GABPB2: variants seen among roughly 807,000 people sequenced by gnomAD.
GABPB2 encodes GA-binding protein subunit beta-2.
In GABPB2, 23 loss-of-function variants were observed where a neutral mutation model predicts 39.1. That is an observed-to-expected ratio of 0.59 (90% CI 0.42 to 0.83). GABPB2 has a LOEUF of 0.83. Ranked by LOEUF, GABPB2 falls within the 40% of genes least tolerant of loss-of-function variation. The probability of loss-of-function intolerance (pLI) is 0.00; values close to 1 mark genes in which losing one functional copy is unlikely to be tolerated. For missense variants in GABPB2, 467 were observed against 541.1 expected (o/e 0.86, Z 1.36); for synonymous variants, 184 against 199.3 (o/e 0.92, Z 0.65).
Position 151,110,005 on chromosome 1 carries a change from A to ATTTTTTTTTTTTTTTTTT in GABPB2, c.922+2803_922+2820dup, listed in dbSNP as rs71577269. ...AATCATGTGCCACCATGCCCAGCTA[A>ATTTTTTTTTTTTTTTTTT]TTTTTTTTTTTTTTTTTTTTTTTTT... is the stretch of plus-strand genomic sequence containing the variant. On this transcript the variant is annotated intron_variant, in intron 7 of 8. Transcript: ENST00000368918. 4.9e-5 allele frequency among the ~76,000 whole-genome samples: 3 copies of ATTTTTTTTTTTTTTTTTT among 60,762 alleles called. 1 individual carries two copies. Among genetic ancestry groups the ATTTTTTTTTTTTTTTTTT allele is most frequent in the Non-Finnish European group, 6.9e-5 (2 of 28,832 alleles). 39.9% of individuals were successfully genotyped at this position (60,762 alleles called of 152,430 possible). A position where few individuals can be genotyped will look rare whatever the true frequency, so the allele number is the denominator to read the frequency against.
At chr1:151,090,646 T>A in intron 3 of GABPB2, 73 bp downstream of exon 3, 1 of 1,397,012 alleles carries the variant, frequency 7.2e-7, no homozygotes, top group Non-Finnish European at 1.0e-6. Flanking sequence ...CTTAAATGGG[T>A]ACTAGGAAAT....
Position 151,074,310 on chromosome 1 carries a change from C to CTTTTTT in GABPB2, c.-1+3388_-1+3393dup, listed in dbSNP as rs113264875. ...TGATTGTATGCTAAACATGCTTCCG[C>CTTTTTT]TTTTTTTTTTTTTTTTTCCAGACGG... On this transcript the variant is annotated intron_variant, in intron 1 of 8. Coordinates refer to ENST00000368918, the MANE Select transcript of GABPB2 (RefSeq NM_144618.3). 3.0e-3 allele frequency among the ~76,000 whole-genome samples: 315 copies of CTTTTTT among 105,838 alleles called. 1 individual carries two copies. The highest frequency in any genetic ancestry group is 0.01 in the Middle Eastern group (1 of 100). 69.4% of individuals were successfully genotyped at this position (105,838 alleles called of 152,430 possible). A position where few individuals can be genotyped will look rare whatever the true frequency, so the allele number is the denominator to read the frequency against.
chr1:151,098,942 G>C (rs1444362345), intron 5 of GABPB2, among the ~76,000 whole-genome samples: 2 of 151,884 alleles, frequency 1.3e-5, no homozygotes, highest in Non-Finnish European at 2.9e-5. Flanking sequence ...AAATTAGCCG[G>C]CTGTGGTGGT....
At chr1:151,102,440 T>C (rs915761912) in intron 5 of GABPB2, among the ~76,000 whole-genome samples, 1 of 152,190 alleles carries the variant, frequency 6.6e-6, no homozygotes, top group African/African-American at 2.4e-5. Context: ...ATGAAACTTT[T>C]TATTTATATA....
intron 6 of GABPB2, among the ~76,000 whole-genome samples, chr1:151,104,562 T>C (rs1679782890): frequency 6.6e-6 from 1 of 152,210 alleles, no homozygotes; most frequent in Non-Finnish European, 1.5e-5. Flanking sequence ...CTTGGATAAA[T>C]CACTTCTCCA....
At chr1:151,109,581 G>A (rs908258282) in intron 7 of GABPB2, among the ~76,000 whole-genome samples, 1 of 150,956 alleles carries the variant, frequency 6.6e-6, no homozygotes, top group African/African-American at 2.4e-5. Context: ...GCCTGGTCTC[G>A]AACTCCTGAC....
At chr1:151,107,947 GGAAA>G (rs587650968) in intron 7 of GABPB2, among the ~76,000 whole-genome samples, 121 of 151,184 alleles carry the variant, frequency 8.0e-4, no homozygotes, top group Non-Finnish European at 1.3e-3. Context: ...AAAAAAAAAA[GGAAA>G]GAAAGAAAAA....
intron 5 of GABPB2, among the ~76,000 whole-genome samples, chr1:151,099,305 C>G (rs1679342335): frequency 6.6e-6 from 1 of 151,878 alleles, no homozygotes; most frequent in Non-Finnish European, 1.5e-5. Flanking sequence ...TCAAGCGATT[C>G]TCCTGCCTCA....
Position 151,120,147 on chromosome 1 carries a change from C to A in GABPB2, c.*1891C>A, listed in dbSNP as rs1681130798. ...GGATCATGAGGTCAGGAGTTCAAGA[C>A]CAGCCTGGCCGAGATGGTGAAACCC... On this transcript the variant is annotated 3_prime_UTR_variant, in exon 9 of 9. Coordinates refer to ENST00000368918, the MANE Select transcript of GABPB2 (RefSeq NM_144618.3). 6.6e-6 allele frequency: 1 copy of A among 151,752 alleles called. No individual in the cohort carries two copies. Among genetic ancestry groups the A allele is most frequent in the Admixed American group, 6.6e-5 (1 of 15,166 alleles). 9.4% of individuals were successfully genotyped at this position (151,752 alleles called of 1,614,324 possible).
chr1:151,113,084 T>A (rs1210659631), intron 7 of GABPB2, among the ~76,000 whole-genome samples: 1 of 151,750 alleles, frequency 6.6e-6, no homozygotes, highest in Non-Finnish European at 1.5e-5. Context: ...CCCCTCAATT[T>A]TTTTTTTTAA....
rs1680968629 is a variant in GABPB2 at position 151,117,522 on chromosome 1, GT to G, written c.1047+11del. ...ACAGTGTGGAGGAAAGCAAGGTAAT[GT>G]TTTTAGGAGTGATGAAAAGAATTTA... On this transcript the variant is annotated splice_region_variant and intron_variant, in intron 8 of 8. Coordinates refer to ENST00000368918, the MANE Select transcript of GABPB2 (RefSeq NM_144618.3). The G allele has an allele frequency of 3.1e-6, 5 of 1,612,438 alleles. No individual in the cohort carries two copies. The highest frequency in any genetic ancestry group is 4.2e-6 in the Non-Finnish European group (5 of 1,179,550).
intron 1 of GABPB2, among the ~76,000 whole-genome samples, chr1:151,082,991 AAAAG>A (rs1196057930): frequency 1.3e-5 from 2 of 151,452 alleles, no homozygotes; most frequent in Non-Finnish European, 2.9e-5. Context: ...AAAAAAAAAG[AAAAG>A]AAAAAGTTAG....
At chr1:151,088,346 C>T in intron 2 of GABPB2, 49 bp downstream of exon 2, 3 of 1,490,508 alleles carry the variant, frequency 2.0e-6, no homozygotes, top group Non-Finnish European at 2.8e-6. Flanking sequence ...TATGCTTTTA[C>T]CAACATTTTT....
chr1:151,082,941 A>T (rs1267491066), intron 1 of GABPB2, among the ~76,000 whole-genome samples: 3 of 151,318 alleles, frequency 2.0e-5, no homozygotes, highest in Non-Finnish European at 2.9e-5. Flanking sequence ...ATACCACTGC[A>T]CTCTAGCCTG....
Position 151,090,545 on chromosome 1 carries a change from A to G in GABPB2, c.248A>G (p.His83Arg), listed in dbSNP as rs1362165480. Residue 83 changes from histidine to arginine, a missense_variant, in exon 3 of 9, where the codon CAT (histidine) becomes CGT (arginine). Coordinates refer to ENST00000368918, the MANE Select transcript of GABPB2 (RefSeq NM_144618.3). ...TPLHMAAADG[H>R]AHIVELLVRN... is the part of the protein sequence containing the mutation. ...TTGCACATGGCTGCAGCCGATGGACATGCGCACATCGTGGAACTGCTTGTT... is the reference window on the plus strand; with the variant it reads ...TTGCACATGGCTGCAGCCGATGGACGTGCGCACATCGTGGAACTGCTTGTT... 6.2e-7 allele frequency: 1 copy of G among 1,614,088 alleles called. No homozygotes were observed. Among genetic ancestry groups the G allele is most frequent in the South Asian group, 1.1e-5 (1 of 91,082 alleles).
At chr1:151,103,425 C>CCAA in intron 5 of GABPB2, 137 bp from the exon 6 acceptor site, 1 of 562,258 alleles carries the variant, frequency 1.8e-6, no homozygotes, top group Non-Finnish European at 3.2e-6. Context: ...ATATAATTGG[C>CCAA]TTATATCAGT....
intron 1 of GABPB2, among the ~76,000 whole-genome samples, chr1:151,072,288 T>C (rs1358364356): frequency 6.6e-6 from 1 of 152,238 alleles, no homozygotes; most frequent in Non-Finnish European, 1.5e-5. Context: ...GGCTCACGCC[T>C]GTAATCCCAG....
intron 1 of GABPB2, among the ~76,000 whole-genome samples, chr1:151,071,453 CTT>C (rs71090124): frequency 9.0e-5 from 9 of 100,522 alleles, no homozygotes; most frequent in Admixed American, 1.5e-4. Context: ...CTTTTTTGCT[CTT>C]TTTTTTTTTT....
At chr1:151,084,104 G>C (rs1375955782) in intron 1 of GABPB2, among the ~76,000 whole-genome samples, 1 of 151,376 alleles carries the variant, frequency 6.6e-6, no homozygotes, top group Non-Finnish European at 1.5e-5. Flanking sequence ...GGGCCTTACT[G>C]TGTTGCCCGG....
Sources: gnomAD v4.1 joint callset for allele counts (sites outside exome capture counted in the v4.1 genomes callset) on GRCh38, gnomAD v4.1.1 for gene constraint, MANE v1.5 for transcripts, NCBI Gene and HGNC (gene_info 2026-07-23, HGNC 2026-07-21) for gene names.